The following ZNF124 variants were observed in gnomAD, a reference collection of about 807,000 sequenced individuals.
ZNF124 encodes zinc finger protein 124.
Under a neutral mutation model 26.6 loss-of-function variants are expected in ZNF124, and 25 were observed. The ratio of observed to expected loss-of-function variants is 0.94; its 90% CI spans 0.68 to 1.31. ZNF124 has a LOEUF of 1.31. ZNF124 is among the 40% of genes most tolerant of loss of function. ZNF124 has a pLI of 0.00. For missense variants in ZNF124, 444 were observed against 422.2 expected (o/e 1.05, Z -0.45); for synonymous variants, 129 against 133.3 (o/e 0.97, Z 0.22).
At position 247,155,860 on chromosome 1, in the gene ZNF124, CAAA is replaced by C. The variant is rs35031827; in HGVS notation, c.*703_*705del. On this transcript the variant is annotated 3_prime_UTR_variant, in exon 4 of 4. Coordinates refer to ENST00000543802, the MANE Select transcript of ZNF124 (RefSeq NM_001297568.2). The stretch of plus-strand genomic sequence containing the variant: ...TGGGCGACAAAGTGAGACTCCATCT[CAAA>C]AAAAAAAAAAAAAGTCTCACCTCAA... 8.7e-4 allele frequency: 576 copies of C among 663,204 alleles called. No individual in the cohort carries two copies. Among genetic ancestry groups the C allele is most frequent in the Middle Eastern group, 1.5e-3 (2 of 1,310 alleles). 41.1% of individuals were successfully genotyped at this position (663,204 alleles called of 1,614,324 possible). A position where few individuals can be genotyped will look rare whatever the true frequency, so the allele number is the denominator to read the frequency against.
intron 3 of ZNF124, 133 bp from the exon 4 acceptor site, chr1:247,157,536 T>C (rs1673222924): frequency 2.6e-6 from 2 of 775,498 alleles, no homozygotes; most frequent in Non-Finnish European, 4.4e-6. Context: ...CTTATTTAAT[T>C]TTACACAGTA....
At chr1:247,162,652 A>G in intron 1 of ZNF124, among the ~76,000 whole-genome samples, 1 of 151,930 alleles carries the variant, frequency 6.6e-6, no homozygotes. Context: ...TTACTAGTCA[A>G]ATTTCAGATA....
At position 247,156,652 on chromosome 1, in the gene ZNF124, C is replaced by A; in HGVS notation, c.970G>T (p.Gly324Cys). The A allele has an allele frequency of 1.9e-6, 3 of 1,610,542 alleles. No individual in the cohort carries two copies. The highest frequency in any genetic ancestry group is 2.5e-6 in the Non-Finnish European group (3 of 1,178,898). The change falls in exon 4 of 4, where the codon GGC becomes TGC. Residue 324 changes from glycine to cysteine, a missense_variant. By Grantham distance (159) the Gly-to-Cys change is radical. Coordinates refer to ENST00000543802, the MANE Select transcript of ZNF124 (RefSeq NM_001297568.2). ...GTACTAGCACGACTAAAGGCTTTGC[C>A]ACATTTCTGACATTCATAGGGTTTC... is the stretch of plus-strand genomic sequence containing the variant. ...GEKPYECQKCGKAFSRASTLW... is the reference protein window; with the variant it reads ...GEKPYECQKCCKAFSRASTLW...
chr1:247,154,261 G>C (rs1224980119), downstream of ZNF124, among the ~76,000 whole-genome samples: 1 of 152,184 alleles, frequency 6.6e-6, no homozygotes, highest in Non-Finnish European at 1.5e-5. Flanking sequence ...CTGTTCTCAT[G>C]ATAATGAGTG....
intron 3 of ZNF124, among the ~76,000 whole-genome samples, chr1:247,137,635 T>C (rs910128377): frequency 6.6e-6 from 1 of 151,954 alleles, no homozygotes; most frequent in Non-Finnish European, 1.5e-5. Context: ...AAAGAGCTTA[T>C]GCACAGCAAA....
chr1:247,163,811 CA>C (rs1673629351), intron 1 of ZNF124, among the ~76,000 whole-genome samples: 1 of 152,042 alleles, frequency 6.6e-6, no homozygotes. Flanking sequence ...GGCAGGCATA[CA>C]ACACATGGCA....
At chr1:247,137,250 A>G (rs753333313) in intron 3 of ZNF124, among the ~76,000 whole-genome samples, 2 of 151,862 alleles carry the variant, frequency 1.3e-5, no homozygotes, top group Non-Finnish European at 2.9e-5. Context: ...AGCCAGCCAT[A>G]TGCAGAAAAT....
Position 247,156,801 on chromosome 1 carries a change from G to A in ZNF124, c.821C>T (p.Ala274Val). The A allele has an allele frequency of 6.2e-7, 1 of 1,614,046 alleles. No homozygotes were observed. Among genetic ancestry groups the A allele is most frequent in the South Asian group, 1.1e-5 (1 of 91,072 alleles). The change falls in exon 4 of 4, where the codon GCC (alanine) becomes GTC (valine). Residue 274 changes from alanine to valine, a missense_variant. Transcript: ENST00000543802. Reference protein sequence around the residue: ...CKQCGKAFRYASSLQKHEKTH... With the variant: ...CKQCGKAFRYVSSLQKHEKTH... ...TTTCTCGTGTTTCTGAAGGGAACTG[G>A]CGTATCTGAAGGCTTTCCCACATTG...
At chr1:247,167,567 A>G (rs114088426) in intron 1 of ZNF124, among the ~76,000 whole-genome samples, 4,038 of 152,306 alleles carry the variant, frequency 0.027, 86 homozygotes, top group Middle Eastern at 0.068. Context: ...AACTACCCAA[A>G]AGAAGAGACG....
chr1:247,166,504 A>T (rs1572100889), intron 1 of ZNF124, among the ~76,000 whole-genome samples: 1 of 152,300 alleles, frequency 6.6e-6, no homozygotes, highest in East Asian at 1.9e-4. Context: ...GATTCCATGT[A>T]TTTGCTATTG....
At position 247,149,495 on chromosome 1, in the gene ZNF124, G is replaced by A. The variant is rs745620635; in HGVS notation, c.218+9511C>T. On this transcript the variant is annotated intron_variant, in intron 3 of 3. Coordinates refer to the ZNF124 transcript ENST00000472531. ...GATACAGAAATTGTGATACACACAC[G>A]CAATGAAATATTATTCAGCCATAAA... is the stretch of plus-strand genomic sequence containing the variant. 4.6e-5 allele frequency among the ~76,000 whole-genome samples: 7 copies of A among 152,284 alleles called. No homozygotes were observed. The South Asian group carries it at 1.0e-3, about 23-fold the overall frequency.
At position 247,168,326 on chromosome 1, in the gene ZNF124, C is replaced by T. The variant is rs933206614; in HGVS notation, c.30+3522G>A. Among the ~76,000 whole-genome samples, 7 of 151,998 alleles carry T rather than the reference C, an allele frequency of 4.6e-5. No individual in the cohort carries two copies. The highest frequency in any genetic ancestry group is 8.8e-5 in the Non-Finnish European group (6 of 68,006). On this transcript the variant is annotated intron_variant, in intron 1 of 3. Transcript: ENST00000543802. The surrounding 1 kb of genome is among the most constrained non-coding windows in gnomAD (Gnocchi z 4.0). ...GGTGGATAACCTGACATCAGGAGTT[C>T]GATACCAGCCTGGCCAACATGGCAA...
At chr1:247,151,487 A>G (rs1672942486), downstream of ZNF124, among the ~76,000 whole-genome samples, 1 of 152,016 alleles carries the variant, frequency 6.6e-6, no homozygotes, top group Non-Finnish European at 1.5e-5. Flanking sequence ...TCAAAAAAAA[A>G]AAAAAAAACC....
chr1:247,137,664 G>A (rs945938355), intron 3 of ZNF124, among the ~76,000 whole-genome samples: 1 of 151,984 alleles, frequency 6.6e-6, no homozygotes, highest in Non-Finnish European at 1.5e-5. Flanking sequence ...TCCTCAGAGT[G>A]AACAGGCAAC....
intron 1 of ZNF124, among the ~76,000 whole-genome samples, chr1:247,160,106 C>T (rs1673399404): frequency 6.6e-6 from 1 of 151,656 alleles, no homozygotes; most frequent in Non-Finnish European, 1.5e-5. Context: ...CTGCCTCTGC[C>T]TCTCAAGTAG....
chr1:247,150,183 CAA>C (rs887507852), downstream of ZNF124, among the ~76,000 whole-genome samples: 1 of 152,208 alleles, frequency 6.6e-6, no homozygotes, highest in African/African-American at 2.4e-5. Context: ...AATTACCACA[CAA>C]TGTGTATTTG....
At chr1:247,158,926 G>T in intron 3 of ZNF124, 80 bp downstream of exon 3, 1 of 1,331,782 alleles carries the variant, frequency 7.5e-7, no homozygotes, top group Non-Finnish European at 1.1e-6. Flanking sequence ...ACCATGCCTG[G>T]CCTTGTTTGC....
chr1:247,172,350 T>G (rs990913972), upstream of ZNF124, among the ~76,000 whole-genome samples: 2 of 152,066 alleles, frequency 1.3e-5, no homozygotes, highest in Non-Finnish European at 2.9e-5. Context: ...AATTTCAGAC[T>G]TATTAACCTT....
intron 3 of ZNF124, among the ~76,000 whole-genome samples, chr1:247,128,951 G>A (rs1451231240): frequency 1.7e-5 from 1 of 60,538 alleles, no homozygotes; most frequent in Admixed American, 1.7e-4. Flanking sequence ...AGCAGGATGG[G>A]GTGGGAGGAT....
Sources: gnomAD v4.1 joint callset for allele counts (sites outside exome capture counted in the v4.1 genomes callset) on GRCh38, gnomAD v4.1.1 for gene constraint, Gnocchi (gnomAD v3.1) non-coding constraint, MANE v1.5 for transcripts, NCBI Gene and HGNC (gene_info 2026-07-23, HGNC 2026-07-21) for gene names.